The following SORCS2 variants were observed in gnomAD, a reference collection of about 807,000 sequenced individuals.
SORCS2 encodes sortilin related VPS10 domain containing receptor 2.
In SORCS2, 100 loss-of-function variants were observed where a neutral mutation model predicts 141.6. The observed-to-expected ratio is 0.71, with a 90% confidence interval of 0.60 to 0.83. SORCS2 has a LOEUF of 0.83. SORCS2 is among the 40% of genes least tolerant of loss of function. The probability of loss-of-function intolerance (pLI) is 0.00; values close to 1 mark genes in which losing one functional copy is unlikely to be tolerated. For synonymous variants in SORCS2, 789 were observed against 676.9 expected, an observed-to-expected ratio of 1.17 and a Z score of -2.57; for missense variants, 1,646 against 1,560.2, an observed-to-expected ratio of 1.05 and a Z score of -0.93.
chr4:7,202,372 A>G (rs1397734578), intron 1 of SORCS2, among the ~76,000 whole-genome samples: 1 of 152,194 alleles, frequency 6.6e-6, no homozygotes, highest in Non-Finnish European at 1.5e-5. Flanking sequence ...ACTGGAATAA[A>G]AGGTAAAACT....
In SORCS2 at chr4:7,201,567, G is replaced by A. The variant is rs903983189; in HGVS notation, c.480+8441G>A. Among the ~76,000 whole-genome samples, 19 of 152,202 alleles carry A rather than the reference G, an allele frequency of 1.2e-4. No homozygotes were observed. The highest frequency in any genetic ancestry group is 2.2e-4 in the Non-Finnish European group (15 of 68,042). On this transcript the variant is annotated intron_variant, in intron 1 of 26. Coordinates refer to ENST00000507866, the MANE Select transcript of SORCS2 (RefSeq NM_020777.3). The surrounding 1 kb of genome is among the most constrained non-coding windows in gnomAD (Gnocchi z 4.4). Reference sequence around the variant, plus strand: ...ACTTGTGCAGATGATTCGATGGAGAGCAGACTGGAGTGACGGGCGAATCAG... The same window carrying A: ...ACTTGTGCAGATGATTCGATGGAGAACAGACTGGAGTGACGGGCGAATCAG...
At chr4:7,199,180 G>A (rs1247543968) in intron 1 of SORCS2, among the ~76,000 whole-genome samples, 1 of 152,188 alleles carries the variant, frequency 6.6e-6, no homozygotes, top group Non-Finnish European at 1.5e-5. Context: ...TCAGCCCTGG[G>A]GTGCAGAGGA....
intron 2 of SORCS2, among the ~76,000 whole-genome samples, chr4:7,446,986 ACCT>A (rs1728044070): frequency 6.6e-6 from 1 of 152,056 alleles, no homozygotes; most frequent in Non-Finnish European, 1.5e-5. Flanking sequence ...AGCCTGGCTC[ACCT>A]CCTCACCCCA....
chr4:7,282,697 G>C (rs1023712515), intron 1 of SORCS2, among the ~76,000 whole-genome samples: 1 of 152,188 alleles, frequency 6.6e-6, no homozygotes, highest in Non-Finnish European at 1.5e-5. Flanking sequence ...AGGTGATTTG[G>C]TCCATAACAC....
chr4:7,549,719 G>C (rs369739836), intron 3 of SORCS2, among the ~76,000 whole-genome samples: 1 of 152,208 alleles, frequency 6.6e-6, no homozygotes, highest in Non-Finnish European at 1.5e-5. Context: ...CCCACAGCCC[G>C]CTGCGCACAC....
chr4:7,399,292 C>A (rs757177944), intron 2 of SORCS2, among the ~76,000 whole-genome samples: 1 of 151,738 alleles, frequency 6.6e-6, no homozygotes, highest in Non-Finnish European at 1.5e-5. Flanking sequence ...GGAAGGCTGG[C>A]GGTGCCCTCG....
chr4:7,640,498 G>A (rs534278191), intron 4 of SORCS2, among the ~76,000 whole-genome samples: 9 of 99,320 alleles, frequency 9.1e-5, no homozygotes, highest in East Asian at 2.3e-3. Flanking sequence ...CTATGTGAGC[G>A]TATGTGAGAG....
In SORCS2 at chr4:7,491,492, G is replaced by A. The variant is rs920174990; in HGVS notation, c.549-40038G>A. On this transcript the variant is annotated intron_variant, in intron 2 of 26. Coordinates refer to ENST00000507866, the MANE Select transcript of SORCS2 (RefSeq NM_020777.3). ...CCCAGATGCCCAGGCACCAGCACGC[G>A]GCATGGCGTAAGCAGCTGCTCATTT... Among the ~76,000 whole-genome samples the A allele has an allele frequency of 8.5e-5, 13 of 152,300 alleles. No homozygotes were observed. In the East Asian group the frequency reaches 1.2e-3, roughly 14 times the overall value.
At chr4:7,598,559 T>C (rs1407167396) in intron 3 of SORCS2, among the ~76,000 whole-genome samples, 1 of 152,152 alleles carries the variant, frequency 6.6e-6, no homozygotes, top group Non-Finnish European at 1.5e-5. Flanking sequence ...GAAAAACTCC[T>C]ACCTTGGGCA....
At position 7,233,470 on chromosome 4, in the gene SORCS2, A is replaced by G. The variant is rs1712048597; in HGVS notation, c.480+40344A>G. On this transcript the variant is annotated intron_variant, in intron 1 of 26. Coordinates refer to ENST00000507866, the MANE Select transcript of SORCS2 (RefSeq NM_020777.3). The surrounding 1 kb of genome is among the most constrained non-coding windows in gnomAD (Gnocchi z 4.5). Reference sequence around the variant, plus strand: ...TCCAGGGGCCCGGACACTGGGCCACAGTGCAGTACAGACCCTCGCTGGGCT... The same window carrying G: ...TCCAGGGGCCCGGACACTGGGCCACGGTGCAGTACAGACCCTCGCTGGGCT... 6.6e-6 allele frequency among the ~76,000 whole-genome samples: 1 copy of G among 152,182 alleles called. No homozygotes were observed. Among genetic ancestry groups the G allele is most frequent in the Non-Finnish European group, 1.5e-5 (1 of 68,022 alleles).
Position 7,573,911 on chromosome 4 carries a change from G to C in SORCS2, c.648+42282G>C, listed in dbSNP as rs1715563172. Among the ~76,000 whole-genome samples the C allele has an allele frequency of 2.0e-5, 3 of 152,140 alleles. No individual in the cohort carries two copies. The South Asian group carries it at 6.2e-4, about 32-fold the overall frequency. On this transcript the variant is annotated intron_variant, in intron 3 of 26. Transcript: ENST00000507866. ...CTCCCTGGCCTCCTCGCTGTGCTTG[G>C]GAAGCAGCAGGCCCATTCCTGCTGG...
At chr4:7,433,921 G>A (rs1488253479) in intron 2 of SORCS2, 7 of 1,613,808 alleles carry the variant, frequency 4.3e-6, no homozygotes, top group Admixed American at 1.7e-5. Context: ...GCGCTCCAGG[G>A]CATGGGTGAT....
intron 2 of SORCS2, among the ~76,000 whole-genome samples, chr4:7,443,534 G>C (rs780993642): frequency 2.6e-5 from 4 of 152,308 alleles, no homozygotes; most frequent in South Asian, 2.1e-4. Flanking sequence ...CTTGAGAGAC[G>C]CTGAAACTTC....
intron 8 of SORCS2, among the ~76,000 whole-genome samples, chr4:7,674,368 T>C (rs992895342): frequency 1.3e-5 from 2 of 151,972 alleles, no homozygotes; most frequent in African/African-American, 4.8e-5. Context: ...GTTCAGGAGA[T>C]TGAGACCATC....
At chr4:7,541,750 G>T (rs1712679492) in intron 3 of SORCS2, among the ~76,000 whole-genome samples, 1 of 152,352 alleles carries the variant, frequency 6.6e-6, no homozygotes, top group African/African-American at 2.4e-5. Flanking sequence ...TGCAGGGTCA[G>T]CGCCTCCACA....
Position 7,682,725 on chromosome 4 carries a change from C to G in SORCS2, c.1342-18C>G, listed in dbSNP as rs1488600726. 2.5e-6 allele frequency: 4 copies of G among 1,598,810 alleles called. No individual in the cohort carries two copies. The highest frequency in any genetic ancestry group is 2.6e-6 in the Non-Finnish European group (3 of 1,172,506). Reference sequence around the variant, plus strand: ...GCTCCAGTGTAAGTTTACAGTCCTTCTTTTATTTTTGTCCCAGGTCAGAGG... The same window carrying G: ...GCTCCAGTGTAAGTTTACAGTCCTTGTTTTATTTTTGTCCCAGGTCAGAGG... On this transcript the variant is annotated intron_variant, in intron 9 of 26. Transcript: ENST00000507866.
chr4:7,422,475 G>C (rs114275345), intron 2 of SORCS2, among the ~76,000 whole-genome samples: 1 of 152,180 alleles, frequency 6.6e-6, no homozygotes, highest in African/African-American at 2.4e-5. Flanking sequence ...GACCGGGCTG[G>C]TGTGTAGGGG....
intron 1 of SORCS2, among the ~76,000 whole-genome samples, chr4:7,304,270 A>G (rs1013764814): frequency 7.2e-5 from 11 of 152,278 alleles, no homozygotes; most frequent in African/African-American, 2.4e-4. Context: ...CTCGACAGAC[A>G]TGGGTCTGTG....
intron 1 of SORCS2, among the ~76,000 whole-genome samples, chr4:7,299,693 T>G (rs989355984): frequency 1.3e-5 from 2 of 152,180 alleles, no homozygotes; most frequent in African/African-American, 4.8e-5. Context: ...ACAAGGGAGA[T>G]GGGGAAGCCG....
Sources: allele counts gnomAD v4.1 joint callset (sites outside exome capture counted in the v4.1 genomes callset), GRCh38; gene constraint gnomAD v4.1.1; non-coding constraint Gnocchi (gnomAD v3.1); transcripts MANE v1.5; gene names NCBI Gene and HGNC (gene_info 2026-07-23, HGNC 2026-07-21).